Variants in PLEKHB2 observed in about 807,000 individuals in gnomAD.
PLEKHB2 encodes the protein pleckstrin homology domain-containing family B member 2.
A neutral mutation model predicts 36.5 loss-of-function variants in PLEKHB2; 31 were observed. The ratio of observed to expected loss-of-function variants is 0.85; its 90% CI spans 0.64 to 1.15. The LOEUF is 1.15. PLEKHB2 is among the 50% of genes most tolerant of loss of function. The pLI is 0.00. For missense variants in PLEKHB2, 262 were observed against 295.3 expected, an observed-to-expected ratio of 0.89 and a Z score of 0.83; for synonymous variants, 119 against 112.0, an observed-to-expected ratio of 1.06 and a Z score of -0.39.
At position 131,125,739 on chromosome 2, in the gene PLEKHB2, T is replaced by A; in HGVS notation, c.38-14T>A. Reference sequence around the variant, plus strand: ...TAAAAAAAAAAAAACAACCGTACTATTTTTTTTTTCCAGGTACTATTTTGA... The same window carrying A: ...TAAAAAAAAAAAAACAACCGTACTAATTTTTTTTTCCAGGTACTATTTTGA... On this transcript the variant is annotated splice_polypyrimidine_tract_variant and intron_variant, in intron 2 of 7. Transcript: ENST00000693505. 7.1e-7 allele frequency: 1 copy of A among 1,400,306 alleles called. No homozygotes were observed. The highest frequency in any genetic ancestry group is 2.5e-5 in the East Asian group (1 of 39,554). 86.7% of individuals were successfully genotyped at this position (1,400,306 alleles called of 1,614,324 possible).
At chr2:131,136,194 C>T (rs1297554606) in intron 6 of PLEKHB2, among the ~76,000 whole-genome samples, 1 of 132,950 alleles carries the variant, frequency 7.5e-6, no homozygotes, top group Non-Finnish European at 1.6e-5. Context: ...TCTCCTTTCC[C>T]CCGCCCGTCC....
In PLEKHB2 at chr2:131,148,809, C is replaced by T. The variant is rs1293588725; in HGVS notation, c.*2036C>T. The T allele has an allele frequency of 6.6e-6, 1 of 152,154 alleles. No individual in the cohort carries two copies. The highest frequency in any genetic ancestry group is 1.5e-5 in the Non-Finnish European group (1 of 68,026). 9.4% of individuals were successfully genotyped at this position (152,154 alleles called of 1,614,324 possible). A position where few individuals can be genotyped will look rare whatever the true frequency, so the allele number is the denominator to read the frequency against. On this transcript the variant is annotated 3_prime_UTR_variant, in exon 8 of 8. Coordinates refer to ENST00000693505, the MANE Select transcript of PLEKHB2 (RefSeq NM_001100623.2). Reference sequence around the variant, plus strand: ...TTAAAATGTTGCTTTGAGGATTTTCCATCCTGTATAAGAAGAATGGCTTTC... The same window carrying T: ...TTAAAATGTTGCTTTGAGGATTTTCTATCCTGTATAAGAAGAATGGCTTTC...
chr2:131,109,562 C>T (rs1194566790), intron 1 of PLEKHB2, among the ~76,000 whole-genome samples: 1 of 151,740 alleles, frequency 6.6e-6, no homozygotes, highest in Admixed American at 6.6e-5. Context: ...TGGTGGTGGG[C>T]GCCTGTAATC....
intron 1 of PLEKHB2, among the ~76,000 whole-genome samples, chr2:131,113,140 T>A (rs1032291223): frequency 1.3e-5 from 2 of 151,572 alleles, no homozygotes; most frequent in Non-Finnish European, 2.9e-5. Context: ...TGGAATGTAG[T>A]GGTGTGATCA....
chr2:131,131,667 G>C (rs78907189), intron 5 of PLEKHB2, among the ~76,000 whole-genome samples: 2,622 of 152,042 alleles, frequency 0.017, 40 homozygotes, highest in African/African-American at 0.045. Context: ...TATCCTAATA[G>C]CGTCAGTGTT....
At chr2:131,138,492 TA>T (rs1052411059) in intron 6 of PLEKHB2, among the ~76,000 whole-genome samples, 1 of 152,168 alleles carries the variant, frequency 6.6e-6, no homozygotes, top group African/African-American at 2.4e-5. Context: ...CTCTGAATCT[TA>T]TTTAAATCTC....
chr2:131,115,521 T>C (rs1270817442), intron 1 of PLEKHB2, among the ~76,000 whole-genome samples: 1 of 151,818 alleles, frequency 6.6e-6, no homozygotes, highest in Admixed American at 6.6e-5. Context: ...GCCCAGCTAA[T>C]TTTTAATATT....
At chr2:131,115,092 G>A (rs1383270414) in intron 1 of PLEKHB2, among the ~76,000 whole-genome samples, 1 of 152,166 alleles carries the variant, frequency 6.6e-6, no homozygotes, top group Non-Finnish European at 1.5e-5. Flanking sequence ...CACAATCATG[G>A]TGGAAGGCAA....
chr2:131,113,115 C>T (rs577304830), intron 1 of PLEKHB2, among the ~76,000 whole-genome samples: 2 of 151,106 alleles, frequency 1.3e-5, no homozygotes, highest in South Asian at 4.2e-4. Flanking sequence ...GACCGGGTCT[C>T]ACTCCTGCCC....
chr2:131,134,135 A>G (rs989117229), intron 6 of PLEKHB2, among the ~76,000 whole-genome samples: 3 of 151,926 alleles, frequency 2.0e-5, no homozygotes, highest in African/African-American at 7.3e-5. Context: ...TCCTGACCTC[A>G]TGATCCGCCC....
At chr2:131,119,899 T>C (rs187230133) in intron 1 of PLEKHB2, among the ~76,000 whole-genome samples, 210 of 152,270 alleles carry the variant, frequency 1.4e-3, no homozygotes, top group Non-Finnish European at 2.4e-3. Context: ...TTCTGTATGA[T>C]ATGTGTGAAC....
At chr2:131,132,122 C>T (rs1226077183) in intron 5 of PLEKHB2, among the ~76,000 whole-genome samples, 3 of 152,022 alleles carry the variant, frequency 2.0e-5, no homozygotes, top group African/African-American at 7.3e-5. Context: ...TGAGCCATTG[C>T]GCCTGGCCAC....
chr2:131,106,252 A>G (rs1694719165), intron 1 of PLEKHB2, among the ~76,000 whole-genome samples: 1 of 152,122 alleles, frequency 6.6e-6, no homozygotes, highest in African/African-American at 2.4e-5. Flanking sequence ...GGTTAATTCA[A>G]AATAATACTG....
intron 4 of PLEKHB2, among the ~76,000 whole-genome samples, chr2:131,130,333 T>C (rs1368080809): frequency 6.6e-6 from 1 of 152,150 alleles, no homozygotes; most frequent in Non-Finnish European, 1.5e-5. Context: ...TATGAGGCAC[T>C]ACATCCGGTC....
At chr2:131,106,413 G>T (rs1407688982) in intron 1 of PLEKHB2, among the ~76,000 whole-genome samples, 1 of 152,152 alleles carries the variant, frequency 6.6e-6, no homozygotes, top group African/African-American at 2.4e-5. Context: ...TGACTTGTCC[G>T]AAGTCACATG....
At position 131,105,954 on chromosome 2, in the gene PLEKHB2, C is replaced by G. The variant is rs192563073; in HGVS notation, c.-9+556C>G. Among the ~76,000 whole-genome samples, 152 of 152,312 alleles carry G rather than the reference C, an allele frequency of 1.0e-3. 1 individual carries two copies. The highest frequency in any genetic ancestry group is 3.4e-3 in the African/African-American group (140 of 41,574). On this transcript the variant is annotated intron_variant, in intron 1 of 7. Transcript: ENST00000693505. ...CCAGAGGTCTCCCCTCCTTAAGTCC[C>G]GGGGGGCGTTGAGGCTTTACCCTCG...
intron 1 of PLEKHB2, chr2:131,120,120 C>G (rs1472497566): frequency 6.6e-6 from 1 of 152,198 alleles, no homozygotes; most frequent in Non-Finnish European, 1.5e-5. Flanking sequence ...GCACGGACCA[C>G]CACACCTGGC....
chr2:131,107,965 A>T (rs574310465), intron 1 of PLEKHB2: 4 of 152,254 alleles, frequency 2.6e-5, no homozygotes, highest in Admixed American at 2.0e-4. Flanking sequence ...CGCCTGGCCA[A>T]TTCTCACTTT....
At chr2:131,120,744 G>A in intron 1 of PLEKHB2, 190 bp from the exon 2 acceptor site, 1 of 660,628 alleles carries the variant, frequency 1.5e-6, no homozygotes, top group Non-Finnish European at 2.8e-6. Flanking sequence ...GAGGAAGGGA[G>A]GGGGTACAGA....
Sources: allele counts gnomAD v4.1 joint callset (sites outside exome capture counted in the v4.1 genomes callset), GRCh38; gene constraint gnomAD v4.1.1; transcripts MANE v1.5; gene names NCBI Gene and HGNC (gene_info 2026-07-23, HGNC 2026-07-21).